Variants in GPC6 observed in about 807,000 individuals in gnomAD.
The protein encoded by GPC6 is glypican 6, also known as glypican-6.
A neutral mutation model predicts 55.2 loss-of-function variants in GPC6; 14 were observed. That is an observed-to-expected ratio of 0.25 (90% CI 0.17 to 0.40). The LOEUF is 0.40. GPC6 is among the 10% of genes least tolerant of loss of function. The probability of loss-of-function intolerance (pLI) is 1.00; values close to 1 mark genes in which losing one functional copy is unlikely to be tolerated. For synonymous variants in GPC6, 278 were observed against 259.6 expected, an observed-to-expected ratio of 1.07 and a Z score of -0.68; for missense variants, 641 against 708.5, an observed-to-expected ratio of 0.90 and a Z score of 1.08.
chr13:93,228,209 T>C (rs899431969), intron 1 of GPC6, among the ~76,000 whole-genome samples: 2 of 152,168 alleles, frequency 1.3e-5, no homozygotes, highest in Non-Finnish European at 1.5e-5. Flanking sequence ...ACCTGGCCTC[T>C]GGACGCCGGC....
At chr13:93,767,102 C>A (rs1173947718) in intron 2 of GPC6, among the ~76,000 whole-genome samples, 5 of 151,802 alleles carry the variant, frequency 3.3e-5, no homozygotes, top group Admixed American at 1.3e-4. Context: ...ATAATTATTT[C>A]TTTTTAAATA....
At chr13:93,952,346 T>C (rs1276847409) in intron 3 of GPC6, among the ~76,000 whole-genome samples, 3 of 152,164 alleles carry the variant, frequency 2.0e-5, no homozygotes, top group Non-Finnish European at 2.9e-5. Context: ...GGGAAAGAAC[T>C]GTATGAATAT....
At chr13:94,380,631 A>T (rs1161078385) in intron 6 of GPC6, among the ~76,000 whole-genome samples, 1 of 152,112 alleles carries the variant, frequency 6.6e-6, no homozygotes, top group African/African-American at 2.4e-5. Context: ...TACCCCTTTC[A>T]TTTTAAATCC....
intron 4 of GPC6, among the ~76,000 whole-genome samples, chr13:94,218,895 A>T (rs1890300921): frequency 1.3e-5 from 2 of 152,174 alleles, no homozygotes; most frequent in Admixed American, 1.3e-4. Flanking sequence ...TAAGCATCAC[A>T]GTTTATTCTG....
Position 93,491,874 on chromosome 13 carries a change from A to G in GPC6, c.161-53389A>G, listed in dbSNP as rs1158402969. Among the ~76,000 whole-genome samples the G allele has an allele frequency of 3.9e-5, 4 of 103,180 alleles. 1 individual carries two copies. The highest frequency in any genetic ancestry group is 1.4e-4 in the African/African-American group (4 of 27,832). The allele number at this position is 103,180 out of a possible 152,430, so 67.7% of individuals were successfully genotyped here. On this transcript the variant is annotated intron_variant, in intron 1 of 8. Transcript: ENST00000377047. Reference sequence around the variant, plus strand: ...CTGAGGGCTCTGTTCTGCTCCATTGATCTTTATCTCTGTTTTGGTACCAGT... The same window carrying G: ...CTGAGGGCTCTGTTCTGCTCCATTGGTCTTTATCTCTGTTTTGGTACCAGT...
chr13:93,854,322 A>G (rs1007915610), intron 3 of GPC6, among the ~76,000 whole-genome samples: 6 of 151,692 alleles, frequency 4.0e-5, no homozygotes, highest in African/African-American at 1.2e-4. Flanking sequence ...GCTACCTTAT[A>G]TTGAAAAACT....
intron 4 of GPC6, among the ~76,000 whole-genome samples, chr13:94,252,594 C>T (rs775499483): frequency 1.2e-4 from 18 of 152,164 alleles, no homozygotes; most frequent in Non-Finnish European, 1.9e-4. Flanking sequence ...TTGCTGCTCT[C>T]CCCTGTACCC....
intron 2 of GPC6, among the ~76,000 whole-genome samples, chr13:93,809,457 G>C (rs992007496): frequency 4.6e-5 from 7 of 152,068 alleles, no homozygotes; most frequent in African/African-American, 1.7e-4. Context: ...CTGACTCTAG[G>C]GTATAATTTA....
intron 1 of GPC6, among the ~76,000 whole-genome samples, chr13:93,390,944 C>T (rs1594137318): frequency 6.6e-6 from 1 of 151,804 alleles, no homozygotes; most frequent in East Asian, 1.9e-4. Context: ...CTCTTGGTCT[C>T]CTCCTTGAGA....
At chr13:93,457,242 A>C (rs1353176560) in intron 1 of GPC6, among the ~76,000 whole-genome samples, 1 of 152,160 alleles carries the variant, frequency 6.6e-6, no homozygotes, top group Non-Finnish European at 1.5e-5. Flanking sequence ...GTCTGTGTCC[A>C]ACTTTCCCCT....
chr13:94,081,844 C>CTTTTTTT lies in GPC6; in HGVS notation c.877+53958_877+53964dup, dbSNP rs201141414. Among the ~76,000 whole-genome samples the CTTTTTTT allele has an allele frequency of 2.4e-3, 319 of 132,980 alleles. 6 individuals are homozygous for CTTTTTTT. Among genetic ancestry groups the CTTTTTTT allele is most frequent in the African/African-American group, 8.5e-3 (302 of 35,528 alleles). The allele number at this position is 132,980 out of a possible 152,430, so 87.2% of individuals were successfully genotyped here. A position where few individuals can be genotyped will look rare whatever the true frequency, so the allele number is the denominator to read the frequency against. ...CATGTCTATGCCTTCTACTACTTTC[C>CTTTTTTT]TTTTTTTTTTTTTTGAGACACAGTC... On this transcript the variant is annotated intron_variant, in intron 4 of 8. Coordinates refer to ENST00000377047, the MANE Select transcript of GPC6 (RefSeq NM_005708.5).
chr13:93,494,433 G>T (rs898893280), intron 1 of GPC6, among the ~76,000 whole-genome samples: 1 of 151,650 alleles, frequency 6.6e-6, no homozygotes, highest in African/African-American at 2.4e-5. Context: ...ACGTGAGATG[G>T]GTTTCCTGAA....
At chr13:93,694,264 C>G (rs960263764) in intron 2 of GPC6, among the ~76,000 whole-genome samples, 5 of 152,086 alleles carry the variant, frequency 3.3e-5, no homozygotes, top group African/African-American at 1.2e-4. Context: ...TGAAATGCAA[C>G]GTGAAGTGGT....
chr13:93,831,014 A>G (rs956827706), intron 3 of GPC6: 2 of 159,866 alleles, frequency 1.3e-5, no homozygotes, highest in African/African-American at 4.8e-5. Context: ...CTTCTTTTTC[A>G]ACACATGTCA....
chr13:93,831,437 G>A (rs985713999), intron 3 of GPC6, among the ~76,000 whole-genome samples: 4 of 152,118 alleles, frequency 2.6e-5, no homozygotes. Context: ...CTGGTATTAT[G>A]TCACTCCAAG....
chr13:93,936,523 G>T (rs1878442516), intron 3 of GPC6, among the ~76,000 whole-genome samples: 1 of 152,104 alleles, frequency 6.6e-6, no homozygotes, highest in Non-Finnish European at 1.5e-5. Flanking sequence ...AATCATTTGT[G>T]TGATAAATAA....
chr13:94,252,586 G>A (rs920159337), intron 4 of GPC6, among the ~76,000 whole-genome samples: 23 of 151,994 alleles, frequency 1.5e-4, no homozygotes, highest in African/African-American at 5.3e-4. Context: ...ACTGCTTTTT[G>A]CTGCTCTCCC....
chr13:93,231,389 ATATATATG>A (rs1441463769), intron 1 of GPC6, among the ~76,000 whole-genome samples: 2 of 20,906 alleles, frequency 9.6e-5, no homozygotes, highest in Admixed American at 7.1e-4. Context: ...ACATATATAT[ATATATATG>A]TATATATATA....
intron 2 of GPC6, among the ~76,000 whole-genome samples, chr13:93,730,052 G>A (rs755983205): frequency 6.6e-6 from 1 of 152,070 alleles, no homozygotes; most frequent in African/African-American, 2.4e-5. Flanking sequence ...TCTTGCCCTG[G>A]GTGCTGGTCA....
Sources: gnomAD v4.1 joint callset for allele counts (sites outside exome capture counted in the v4.1 genomes callset) on GRCh38, gnomAD v4.1.1 for gene constraint, MANE v1.5 for transcripts, NCBI Gene and HGNC (gene_info 2026-07-23, HGNC 2026-07-21) for gene names.